The following B3GLCT variants were observed in gnomAD, a reference collection of about 807,000 sequenced individuals.
B3GLCT encodes the protein beta 3-glucosyltransferase.
B3GLCT carries 65 observed loss-of-function variants against 63.4 expected under a neutral mutation model. The observed-to-expected ratio is 1.03, with a 90% CI of 0.84 to 1.26. The LOEUF (loss-of-function observed/expected upper bound fraction) is 1.26. Ranked by LOEUF, B3GLCT falls within the 50% of genes most tolerant of loss-of-function variation. B3GLCT has a pLI of 0.00. For synonymous variants in B3GLCT, 233 were observed against 219.2 expected (o/e 1.06, Z -0.55); for missense variants, 577 against 604.8 (o/e 0.95, Z 0.48).
At chr13:31,273,218 C>T (rs1255422000) in intron 8 of B3GLCT, among the ~76,000 whole-genome samples, 1 of 152,210 alleles carries the variant, frequency 6.6e-6, no homozygotes, top group Admixed American at 6.5e-5. Context: ...CCTCAGCCTC[C>T]TGAGTAGCTG....
rs145355138 is a variant in B3GLCT, at chr13:31,302,350, C to A, written c.1065-15216C>A. Among the ~76,000 whole-genome samples, 157 of 152,030 alleles carry A rather than the reference C, an allele frequency of 1.0e-3. 2 individuals are homozygous for A. The East Asian group carries it at 0.01, about 10-fold the overall frequency. ...CAAGATGGCCGAATAGGAACAGCTC[C>A]GGTCTACAGCTCCCAGCGTGAGCGA... On this transcript the variant is annotated intron_variant, in intron 12 of 14. Transcript: ENST00000343307.
At position 31,220,347 on chromosome 13, in the gene B3GLCT, T is replaced by C. The variant is rs764844461; in HGVS notation, c.121-2605T>C. 6.9e-4 allele frequency among the ~76,000 whole-genome samples: 105 copies of C among 152,352 alleles called. 1 individual carries two copies. Among genetic ancestry groups the C allele is most frequent in the Non-Finnish European group, 1.2e-3 (83 of 68,026 alleles). On this transcript the variant is annotated intron_variant, in intron 2 of 14. Coordinates refer to ENST00000343307, the MANE Select transcript of B3GLCT (RefSeq NM_194318.4). ...TCAAAGGGTGACTTTAATGTGCCTT[T>C]TCCTGGCTAGCATAGGAGCTTTCTG... is the stretch of plus-strand genomic sequence containing the variant.
intron 7 of B3GLCT, among the ~76,000 whole-genome samples, chr13:31,263,204 C>T (rs1409937607): frequency 6.6e-6 from 1 of 152,188 alleles, no homozygotes; most frequent in Non-Finnish European, 1.5e-5. Context: ...TAGAGTTTTA[C>T]CTTCCTTCTT....
At chr13:31,309,745 C>G (rs1874608707) in intron 12 of B3GLCT, among the ~76,000 whole-genome samples, 2 of 152,140 alleles carry the variant, frequency 1.3e-5, no homozygotes, top group South Asian at 4.1e-4. Flanking sequence ...CTGTTCAAAC[C>G]CTGTCCTTTT....
chr13:31,225,509 G>C (rs9529314), intron 3 of B3GLCT, among the ~76,000 whole-genome samples: 1 of 152,028 alleles, frequency 6.6e-6, no homozygotes, highest in African/African-American at 2.4e-5. Context: ...TTTCAGCACC[G>C]AACTGTACTA....
chr13:31,322,140 A>G (rs1875357773), intron 13 of B3GLCT, among the ~76,000 whole-genome samples: 1 of 152,266 alleles, frequency 6.6e-6, no homozygotes, highest in Admixed American at 6.5e-5. Context: ...TTAGGTAGGA[A>G]GCTGTGCTTA....
At chr13:31,253,478 A>C (rs1008954849) in intron 6 of B3GLCT, among the ~76,000 whole-genome samples, 2 of 151,550 alleles carry the variant, frequency 1.3e-5, no homozygotes, top group African/African-American at 4.9e-5. Flanking sequence ...CTGTAGTCCC[A>C]GCTACTCGGG....
intron 1 of B3GLCT, among the ~76,000 whole-genome samples, chr13:31,214,844 C>T (rs1181068434): frequency 3.9e-5 from 6 of 152,184 alleles, no homozygotes; most frequent in African/African-American, 1.2e-4. Flanking sequence ...GTAGCCTAAG[C>T]GTGTTGGCTT....
At chr13:31,269,165 C>A in intron 7 of B3GLCT, 49 bp from the exon 8 acceptor site, 2 of 1,278,984 alleles carry the variant, frequency 1.6e-6, no homozygotes, top group Non-Finnish European at 2.3e-6. Context: ...GTTAGTCTTG[C>A]TTGACACTTC....
intron 3 of B3GLCT, among the ~76,000 whole-genome samples, chr13:31,224,083 C>T (rs80153959): frequency 1.2e-3 from 181 of 152,272 alleles, no homozygotes; most frequent in African/African-American, 4.3e-3. Flanking sequence ...GAGAGACCCC[C>T]GCCCCCGGGT....
intron 2 of B3GLCT, among the ~76,000 whole-genome samples, chr13:31,219,917 C>T (rs1239716738): frequency 1.3e-5 from 2 of 152,118 alleles, no homozygotes; most frequent in Admixed American, 6.5e-5. Flanking sequence ...GGGTAGGTGC[C>T]AATATTATTG....
chr13:31,252,302 T>C (rs1421605133), intron 6 of B3GLCT, among the ~76,000 whole-genome samples: 1 of 152,140 alleles, frequency 6.6e-6, no homozygotes, highest in African/African-American at 2.4e-5. Context: ...ATGAAGAAAC[T>C]GCATCAACTA....
intron 4 of B3GLCT, among the ~76,000 whole-genome samples, chr13:31,231,295 C>G (rs1401563541): frequency 6.6e-6 from 1 of 152,146 alleles, no homozygotes; most frequent in Non-Finnish European, 1.5e-5. Flanking sequence ...ATTTTGTGAT[C>G]AGTGATGACA....
chr13:31,260,844 C>A, intron 6 of B3GLCT, 102 bp from the exon 7 acceptor site: 1 of 1,109,916 alleles, frequency 9.0e-7, no homozygotes, highest in Middle Eastern at 2.3e-4. Flanking sequence ...AACTCTTTAT[C>A]ACCCAAAATA....
At chr13:31,291,974 T>C (rs1417705767) in intron 12 of B3GLCT, among the ~76,000 whole-genome samples, 1 of 152,206 alleles carries the variant, frequency 6.6e-6, no homozygotes, top group Non-Finnish European at 1.5e-5. Context: ...CTCTTATTAT[T>C]TTGAGATACA....
intron 12 of B3GLCT, 138 bp downstream of exon 12, chr13:31,286,957 G>A (rs1199298356): frequency 6.9e-6 from 4 of 581,352 alleles, no homozygotes; most frequent in South Asian, 2.6e-5. Flanking sequence ...ATCCTCTTAA[G>A]GAACAAAATA....
intron 14 of B3GLCT, among the ~76,000 whole-genome samples, chr13:31,324,770 A>G (rs1875523431): frequency 1.3e-5 from 2 of 152,136 alleles, no homozygotes; most frequent in Non-Finnish European, 2.9e-5. Context: ...GCTCACTGCA[A>G]CGTGGCTCAC....
At chr13:31,247,429 C>T (rs1276548041) in intron 5 of B3GLCT, among the ~76,000 whole-genome samples, 3 of 152,108 alleles carry the variant, frequency 2.0e-5, no homozygotes, top group African/African-American at 7.2e-5. Flanking sequence ...GCGTGCACCA[C>T]CACTCCCAGT....
chr13:31,238,791 T>G (rs1384534976), intron 4 of B3GLCT, among the ~76,000 whole-genome samples: 1 of 152,142 alleles, frequency 6.6e-6, no homozygotes, highest in Non-Finnish European at 1.5e-5. Flanking sequence ...AGAAAAAAAT[T>G]GACTCAACAA....
Sources: allele counts gnomAD v4.1 joint callset (sites outside exome capture counted in the v4.1 genomes callset), GRCh38; gene constraint gnomAD v4.1.1; transcripts MANE v1.5; gene names NCBI Gene and HGNC (gene_info 2026-07-23, HGNC 2026-07-21).